The following TCL1A variants were observed in gnomAD, a reference collection of about 807,000 sequenced individuals.
The protein encoded by TCL1A is TCL1 family AKT coactivator A, also known as T-cell leukemia/lymphoma protein 1A.
Under a neutral mutation model 16.9 loss-of-function variants are expected in TCL1A, and 9 were observed. The observed-to-expected ratio is 0.53, with a 90% CI of 0.32 to 0.93. The LOEUF (loss-of-function observed/expected upper bound fraction) is 0.93. Ranked by LOEUF, TCL1A falls within the 40% of genes least tolerant of loss-of-function variation. The pLI is 0.04. For missense variants in TCL1A, 139 were observed against 153.0 expected, an observed-to-expected ratio of 0.91 and a Z score of 0.48; for synonymous variants, 69 against 63.2, an observed-to-expected ratio of 1.09 and a Z score of -0.44.
chr14:95,712,238 G>A lies in TCL1A; in HGVS notation c.279C>T (p.Arg93=), dbSNP rs975684815. 6.2e-7 allele frequency: 1 copy of A among 1,614,022 alleles called. No individual in the cohort carries two copies. The highest frequency in any genetic ancestry group is 8.5e-7 in the Non-Finnish European group (1 of 1,180,028). ...RYRSSDSSFW[R]LVYHIKIDGV... is the part of the protein sequence containing the mutation. ...CACTCACCTTGATGTGGTACACTAA[G>A]CGCCAGAAACTGGAGTCTGAGGATC... Residue 93 remains arginine (R), a synonymous_variant, in exon 2 of 4, where the codon CGC becomes CGT. Transcript: ENST00000402399.
chr14:95,711,866 A>ACT, intron 2 of TCL1A, 64 bp from the exon 3 acceptor site: 1 of 1,581,098 alleles, frequency 6.3e-7, no homozygotes, highest in Non-Finnish European at 8.6e-7. Flanking sequence ...TCCATTCCTC[A>ACT]CTCCTGCGCC....
intron 1 of TCL1A, 114 bp downstream of exon 1, chr14:95,713,833 G>A (rs1886476886): frequency 1.3e-6 from 2 of 1,489,924 alleles, no homozygotes; most frequent in Non-Finnish European, 1.8e-6. Flanking sequence ...TCATCTGTGG[G>A]GATCCTCCCT....
At chr14:95,712,052 G>T in intron 2 of TCL1A, 168 bp downstream of exon 2, 1 of 952,466 alleles carries the variant, frequency 1.0e-6, no homozygotes, top group Non-Finnish European at 1.6e-6. Context: ...GACCTCAGAG[G>T]ATCTATCTTC....
At chr14:95,711,652 G>A (rs960113985) in intron 3 of TCL1A, 97 bp downstream of exon 3, 82 of 1,398,168 alleles carry the variant, frequency 5.9e-5, no homozygotes, top group Middle Eastern at 1.8e-4. Context: ...GGCAGCAGTC[G>A]GGGAGGGGTT....
chr14:95,711,621 C>CGT, intron 3 of TCL1A, 128 bp downstream of exon 3: 5 of 1,106,452 alleles, frequency 4.5e-6, no homozygotes, highest in Admixed American at 4.7e-5. Flanking sequence ...AAGCCTCTCC[C>CGT]ATCCCTAGGG....
intron 1 of TCL1A, among the ~76,000 whole-genome samples, chr14:95,713,697 C>T (rs936573410): frequency 6.6e-6 from 1 of 152,210 alleles, no homozygotes; most frequent in Admixed American, 6.5e-5. Flanking sequence ...CTGTAGTCAA[C>T]ATTATAGTCA....
In TCL1A at chr14:95,712,239, C is replaced by T. The variant is rs142206584; in HGVS notation, c.278G>A (p.Arg93His). ...RYRSSDSSFW[R>H]LVYHIKIDGV... Reference sequence around the variant, plus strand: ...ACTCACCTTGATGTGGTACACTAAGCGCCAGAAACTGGAGTCTGAGGATCG... The same window carrying T: ...ACTCACCTTGATGTGGTACACTAAGTGCCAGAAACTGGAGTCTGAGGATCG... The change falls in exon 2 of 4, where the codon CGC (arginine) becomes CAC (histidine). Residue 93 changes from arginine (R) to histidine (H), a missense_variant. Arg to His is a conservative substitution (Grantham distance 29). Coordinates refer to ENST00000402399, the MANE Select transcript of TCL1A (RefSeq NM_021966.3). 3.5e-4 allele frequency: 560 copies of T among 1,614,124 alleles called. No individual in the cohort carries two copies. Among genetic ancestry groups the T allele is most frequent in the Non-Finnish European group, 4.1e-4 (489 of 1,180,032 alleles).
At chr14:95,713,881 T>A (rs1886480729) in intron 1 of TCL1A, 66 bp downstream of exon 1, 1 of 1,596,946 alleles carries the variant, frequency 6.3e-7, no homozygotes, top group African/African-American at 1.3e-5. Flanking sequence ...TCGCCCTTCC[T>A]AGGGCATCCC....
chr14:95,713,611 T>A (rs1886449003), intron 1 of TCL1A, among the ~76,000 whole-genome samples: 1 of 152,318 alleles, frequency 6.6e-6, no homozygotes, highest in Admixed American at 6.5e-5. Flanking sequence ...ATGATTCCGA[T>A]AATCGGCCAT....
At chr14:95,712,986 G>A (rs780411110) in intron 1 of TCL1A, among the ~76,000 whole-genome samples, 2 of 152,218 alleles carry the variant, frequency 1.3e-5, no homozygotes, top group East Asian at 1.9e-4. Flanking sequence ...GAAATCCACT[G>A]AATCTTCAAA....
At chr14:95,713,909 C>T in intron 1 of TCL1A, 38 bp downstream of exon 1, 2 of 1,609,212 alleles carry the variant, frequency 1.2e-6, no homozygotes, top group Non-Finnish European at 1.7e-6. Flanking sequence ...CAGGGGCTGC[C>T]CCTGCTGCCT....
At chr14:95,713,564 TC>T in intron 1 of TCL1A, among the ~76,000 whole-genome samples, 1 of 152,330 alleles carries the variant, frequency 6.6e-6, no homozygotes, top group East Asian at 1.9e-4. Flanking sequence ...TGTTGAGGGT[TC>T]TTTTTAAAAA....
intron 1 of TCL1A, among the ~76,000 whole-genome samples, chr14:95,713,485 A>G (rs1886438338): frequency 1.3e-5 from 2 of 152,320 alleles, no homozygotes; most frequent in East Asian, 1.9e-4. Flanking sequence ...TTTCTAAATA[A>G]AGCCCAGAGG....
chr14:95,711,851 C>T (rs1293137037), intron 2 of TCL1A, 49 bp from the exon 3 acceptor site: 2 of 1,595,874 alleles, frequency 1.3e-6, no homozygotes, highest in Non-Finnish European at 1.7e-6. Flanking sequence ...GAGCCCTCCA[C>T]TCCCTCCATT....
intron 3 of TCL1A, 166 bp downstream of exon 3, chr14:95,711,583 T>A (rs1034131318): frequency 1.5e-6 from 1 of 665,914 alleles, no homozygotes; most frequent in Non-Finnish European, 2.5e-6. Context: ...GCTCCCGAAG[T>A]GGTAAGGGAG....
Position 95,712,292 on chromosome 14 carries a change from C to A in TCL1A, c.225G>T (p.Met75Ile). The change falls in exon 2 of 4, where the codon ATG becomes ATT. Residue 75 changes from methionine (M) to isoleucine (I), a missense_variant. This residue lies in a region of TCL1A where 45 missense variants were observed against 72.8 expected (regional missense o/e 0.62). Transcript: ENST00000402399. ...TQIGPSLLPI[M>I]WQLYPDGRYR... ...ATCGTCCATCAGGGTAGAGCTGCCA[C>A]ATGATAGGCAGCAGGCTTGGGCCTA... The A allele has an allele frequency of 1.9e-6, 3 of 1,614,170 alleles. No individual in the cohort carries two copies. The highest frequency in any genetic ancestry group is 2.5e-6 in the Non-Finnish European group (3 of 1,180,026).
Position 95,712,651 on chromosome 14 carries a change from CTT to C in TCL1A, c.121-257_121-256del, listed in dbSNP as rs766277282. On this transcript the variant is annotated intron_variant, in intron 1 of 3. Coordinates refer to ENST00000402399, the MANE Select transcript of TCL1A (RefSeq NM_021966.3). ...CCCAGACAGGGCCATGAAAGGCACA[CTT>C]TTTTCTGGCGGGTTGCAGCGGCTCA... The C allele has an allele frequency of 3.5e-6, 5 of 1,447,032 alleles. No homozygotes were observed. In the African/African-American group the frequency reaches 5.6e-5, roughly 16 times the overall value. The allele number at this position is 1,447,032 out of a possible 1,614,324, so 89.6% of individuals were successfully genotyped here. A position where few individuals can be genotyped will look rare whatever the true frequency, so the allele number is the denominator to read the frequency against.
At chr14:95,712,878 A>C (rs1886401064) in intron 1 of TCL1A, 1 of 324,544 alleles carries the variant, frequency 3.1e-6, no homozygotes, top group South Asian at 2.7e-5. Context: ...CTAGTGGGTT[A>C]TTTTTTGTGG....
intron 3 of TCL1A, among the ~76,000 whole-genome samples, chr14:95,711,120 A>G (rs1406683947): frequency 1.3e-5 from 2 of 152,134 alleles, no homozygotes; most frequent in African/African-American, 4.8e-5. Flanking sequence ...AGCGTATCTA[A>G]TATCTGGCTC....
Sources: gnomAD v4.1 joint callset for allele counts (sites outside exome capture counted in the v4.1 genomes callset) on GRCh38, gnomAD v4.1.1 for gene constraint, gnomAD v4.1.1 regional missense constraint, MANE v1.5 for transcripts, NCBI Gene and HGNC (gene_info 2026-07-23, HGNC 2026-07-21) for gene names.